Variants in ECT2L observed in about 807,000 individuals in gnomAD.
ECT2L encodes the protein epithelial cell transforming 2 like.
Under a neutral mutation model 122.8 loss-of-function variants are expected in ECT2L, and 126 were observed. The ratio of observed to expected loss-of-function variants is 1.03; its 90% CI spans 0.89 to 1.19. The LOEUF is 1.19. Among genes scored for constraint, ECT2L ranks in the 50% most tolerant of loss-of-function variants. The pLI, the probability that ECT2L is intolerant of heterozygous loss-of-function variation, is 0.00. For missense variants in ECT2L, 1,012 were observed against 1,064.1 expected, an observed-to-expected ratio of 0.95 and a Z score of 0.68; for synonymous variants, 385 against 381.8, an observed-to-expected ratio of 1.01 and a Z score of -0.10.
intron 4 of ECT2L, among the ~76,000 whole-genome samples, chr6:138,829,321 G>A (rs143662045): frequency 6.6e-6 from 1 of 152,172 alleles, no homozygotes; most frequent in African/African-American, 2.4e-5. Context: ...ACTCTTATAA[G>A]TATCTTATAA....
intron 5 of ECT2L, among the ~76,000 whole-genome samples, chr6:138,839,793 C>CT (rs1472685420): frequency 6.6e-6 from 1 of 152,098 alleles, no homozygotes; most frequent in South Asian, 2.1e-4. Context: ...GCGAATTAAA[C>CT]TTTTTTTCAA....
At chr6:138,834,894 T>TACACACACACACACACAC (rs544584441) in intron 4 of ECT2L, among the ~76,000 whole-genome samples, 1 of 137,336 alleles carries the variant, frequency 7.3e-6, no homozygotes, top group Admixed American at 7.5e-5. Flanking sequence ...TGCCCCCGTT[T>TACACACACACACACACAC]ACACACACAC....
At chr6:138,800,004 CATTT>C (rs536576739) in intron 1 of ECT2L, among the ~76,000 whole-genome samples, 178 of 152,294 alleles carry the variant, frequency 1.2e-3, no homozygotes, top group Non-Finnish European at 2.2e-3. Context: ...TTAAATACAA[CATTT>C]ATTACACGCC....
At position 138,814,499 on chromosome 6, in the gene ECT2L, G is replaced by A. The variant is rs1476949247; in HGVS notation, c.75G>A (p.Gln25=). The A allele has an allele frequency of 1.9e-6, 3 of 1,602,088 alleles. No homozygotes were observed. The highest frequency in any genetic ancestry group is 2.7e-5 in the African/African-American group (2 of 74,850). The change falls in exon 4 of 22, where the codon CAG becomes CAA. Residue 25 remains glutamine, a synonymous_variant. Transcript: ENST00000541398. The part of the protein sequence containing the change: ...SNKSLNRQLF[Q]ERVALISHWF... ...TCCCCTCCCCCTTATAGCTCTTTCA[G>A]GAAAGAGTGGCTCTTATAAGTCATT... is the stretch of plus-strand genomic sequence containing the variant.
intron 1 of ECT2L, among the ~76,000 whole-genome samples, chr6:138,797,314 CT>C (rs1249135144): frequency 6.6e-6 from 1 of 152,090 alleles, no homozygotes; most frequent in Admixed American, 6.5e-5. Context: ...AACCAGATAC[CT>C]TTTTGGAGGC....
At chr6:138,802,081 A>G (rs1775564426) in intron 1 of ECT2L, among the ~76,000 whole-genome samples, 1 of 152,150 alleles carries the variant, frequency 6.6e-6, no homozygotes, top group South Asian at 2.1e-4. Context: ...TTGCTCACTC[A>G]CTTGGGTGGA....
At position 138,843,201 on chromosome 6, in the gene ECT2L, A is replaced by G. The variant is rs1295471630; in HGVS notation, c.565A>G (p.Arg189Gly). Residue 189 changes from arginine (R) to glycine (G), a missense_variant, in exon 6 of 22, where the codon AGA (arginine) becomes GGA (glycine). Physicochemically the swap from Arg to Gly is moderately radical, Grantham distance 125. Transcript: ENST00000541398. ...ACAAAGAGAAAAGTGCCTGAGGAAA[A>G]GAATTTGGGAGAAAATTGCACTACG... ...ERQREKCLRK[R>G]IWEKIALRKK... 6 of 1,609,436 alleles carry G rather than the reference A, an allele frequency of 3.7e-6. No individual in the cohort carries two copies. Among genetic ancestry groups the G allele is most frequent in the Non-Finnish European group, 5.1e-6 (6 of 1,177,698 alleles).
intron 20 of ECT2L, among the ~76,000 whole-genome samples, chr6:138,897,475 CAGG>C (rs925146600): frequency 6.6e-6 from 1 of 152,110 alleles, no homozygotes; most frequent in Non-Finnish European, 1.5e-5. Context: ...TTGGTTTTCG[CAGG>C]AGGTCCTGGA....
At chr6:138,829,336 G>T (rs528391950) in intron 4 of ECT2L, among the ~76,000 whole-genome samples, 1 of 152,224 alleles carries the variant, frequency 6.6e-6, no homozygotes, top group Non-Finnish European at 1.5e-5. Context: ...TTATAAGGTT[G>T]TTCATAGTTT....
At chr6:138,895,993 G>C (rs1779194889) in intron 20 of ECT2L, among the ~76,000 whole-genome samples, 1 of 151,992 alleles carries the variant, frequency 6.6e-6, no homozygotes, top group African/African-American at 2.4e-5. Context: ...CTGAGGACAT[G>C]GACCATTATT....
chr6:138,831,476 C>T (rs1776645809), intron 4 of ECT2L, among the ~76,000 whole-genome samples: 1 of 152,240 alleles, frequency 6.6e-6, no homozygotes, highest in South Asian at 2.1e-4. Flanking sequence ...CTTCATCCAG[C>T]TCCTCAGGGA....
chr6:138,893,068 G>A (rs1779085821), intron 20 of ECT2L, among the ~76,000 whole-genome samples: 1 of 150,454 alleles, frequency 6.6e-6, no homozygotes, highest in South Asian at 2.1e-4. Flanking sequence ...CCCTACTGCT[G>A]TGGTAGTTAA....
intron 13 of ECT2L, among the ~76,000 whole-genome samples, chr6:138,875,733 G>A (rs1014115794): frequency 1.3e-5 from 2 of 152,236 alleles, no homozygotes; most frequent in African/African-American, 4.8e-5. Flanking sequence ...GTGAAAAAAG[G>A]AGTGAGTTTT....
At chr6:138,841,326 G>A (rs1777031484) in intron 5 of ECT2L, among the ~76,000 whole-genome samples, 1 of 152,150 alleles carries the variant, frequency 6.6e-6, no homozygotes, top group African/African-American at 2.4e-5. Context: ...CAAAATTAAT[G>A]TGATCCTTTG....
intron 1 of ECT2L, among the ~76,000 whole-genome samples, chr6:138,807,696 T>A (rs781305439): frequency 6.6e-6 from 1 of 152,086 alleles, no homozygotes; most frequent in African/African-American, 2.4e-5. Flanking sequence ...TAATAATCAT[T>A]TATTATTTCT....
intron 10 of ECT2L, among the ~76,000 whole-genome samples, chr6:138,858,168 AT>A (rs1275291710): frequency 6.6e-6 from 1 of 152,176 alleles, no homozygotes; most frequent in Admixed American, 6.5e-5. Context: ...TCTAAATGTA[AT>A]TTATATGCTG....
intron 14 of ECT2L, among the ~76,000 whole-genome samples, chr6:138,877,582 T>C (rs953558329): frequency 6.6e-6 from 1 of 152,210 alleles, no homozygotes; most frequent in Non-Finnish European, 1.5e-5. Flanking sequence ...AGGATGCAGA[T>C]GTATTTTTTA....
chr6:138,847,355 C>CTTTT lies in ECT2L; in HGVS notation c.903+708_903+711dup, dbSNP rs1170631663. Among the ~76,000 whole-genome samples, 160 of 54,956 alleles carry CTTTT rather than the reference C, an allele frequency of 2.9e-3. 36 individuals carry two copies. Among genetic ancestry groups the CTTTT allele is most frequent in the African/African-American group, 6.9e-3 (85 of 12,292 alleles). 36.1% of individuals were successfully genotyped at this position (54,956 alleles called of 152,430 possible). Reference sequence around the variant, plus strand: ...TTTGAAAAAGCATTAAAGGCCCAAACTTTTTTTTTTTTTTTTTTTTTTTTT... The same window carrying CTTTT: ...TTTGAAAAAGCATTAAAGGCCCAAACTTTTTTTTTTTTTTTTTTTTTTTTTTTTT... On this transcript the variant is annotated intron_variant, in intron 8 of 21. Coordinates refer to ENST00000541398, the MANE Select transcript of ECT2L (RefSeq NM_001077706.3).
chr6:138,870,780 G>A (rs1425520188), intron 13 of ECT2L, among the ~76,000 whole-genome samples: 4 of 152,132 alleles, frequency 2.6e-5, no homozygotes, highest in Non-Finnish European at 4.4e-5. Context: ...AGGCCCAGGC[G>A]GGCAGATCAT....
Sources: allele counts gnomAD v4.1 joint callset (sites outside exome capture counted in the v4.1 genomes callset), GRCh38; gene constraint gnomAD v4.1.1; transcripts MANE v1.5; gene names NCBI Gene and HGNC (gene_info 2026-07-23, HGNC 2026-07-21).